Variants in KIRREL1 observed in about 807,000 individuals in gnomAD.
KIRREL1 encodes kirre like nephrin family adhesion molecule 1.
In KIRREL1, 25 loss-of-function variants were observed where a neutral mutation model predicts 83.3. That is an observed-to-expected ratio of 0.30 (90% CI 0.22 to 0.42). The LOEUF (loss-of-function observed/expected upper bound fraction) is 0.42, where lower values mean the gene tolerates loss of function less well. Ranked by LOEUF, KIRREL1 falls within the 10% of genes least tolerant of loss-of-function variation. The pLI, the probability that KIRREL1 is intolerant of heterozygous loss-of-function variation, is 1.00. For synonymous variants in KIRREL1, 388 were observed against 410.4 expected, an observed-to-expected ratio of 0.95 and a Z score of 0.66; for missense variants, 812 against 1,032.3, an observed-to-expected ratio of 0.79 and a Z score of 2.92.
In KIRREL1 at chr1:158,095,833, G is replaced by C. The variant is rs1180851742; in HGVS notation, c.*713G>C. On this transcript the variant is annotated 3_prime_UTR_variant, in exon 15 of 15. Coordinates refer to ENST00000359209, the MANE Select transcript of KIRREL1 (RefSeq NM_018240.7). Reference sequence around the variant, plus strand: ...CCCGCTTTCCTTCTCCTCCATGCTGGGCCAGCCAGATAAGTCAGGGTCCTG... The same window carrying C: ...CCCGCTTTCCTTCTCCTCCATGCTGCGCCAGCCAGATAAGTCAGGGTCCTG... 1.3e-5 allele frequency: 2 copies of C among 152,400 alleles called. No homozygotes were observed. The highest frequency in any genetic ancestry group is 4.8e-5 in the African/African-American group (2 of 41,442). The allele number at this position is 152,400 out of a possible 1,614,324, so 9.4% of individuals were successfully genotyped here.
At chr1:158,002,851 C>G (rs974053837) in intron 1 of KIRREL1, among the ~76,000 whole-genome samples, 1 of 152,046 alleles carries the variant, frequency 6.6e-6, no homozygotes, top group African/African-American at 2.4e-5. Flanking sequence ...CCCGATTGTA[C>G]CCCCTGCTCC....
intron 1 of KIRREL1, among the ~76,000 whole-genome samples, chr1:157,994,690 T>C (rs1659143573): frequency 6.6e-6 from 1 of 151,972 alleles, no homozygotes; most frequent in Non-Finnish European, 1.5e-5. Flanking sequence ...GCTGAACTCC[T>C]TCCCTCCCCA....
intron 11 of KIRREL1, among the ~76,000 whole-genome samples, chr1:158,092,172 T>C (rs1662218019): frequency 6.6e-6 from 1 of 152,214 alleles, no homozygotes; most frequent in Non-Finnish European, 1.5e-5. Context: ...TTCTCTCCTT[T>C]AAGGCACTTC....
intron 1 of KIRREL1, among the ~76,000 whole-genome samples, chr1:158,067,978 C>T (rs1661401193): frequency 6.6e-6 from 1 of 152,170 alleles, no homozygotes; most frequent in African/African-American, 2.4e-5. Flanking sequence ...CCCTACCATA[C>T]CCCCAGCCTT....
chr1:158,005,592 G>C (rs191534795), intron 1 of KIRREL1, among the ~76,000 whole-genome samples: 447 of 151,886 alleles, frequency 2.9e-3, no homozygotes, highest in Non-Finnish European at 4.8e-3. Context: ...CTCTCAATGG[G>C]AGATGTGGGG....
intron 1 of KIRREL1, among the ~76,000 whole-genome samples, chr1:158,036,424 A>G (rs962057493): frequency 1.3e-5 from 2 of 152,200 alleles, no homozygotes; most frequent in Non-Finnish European, 2.9e-5. Flanking sequence ...CTGAGTAATA[A>G]GGGGACATGC....
chr1:157,998,202 T>G (rs958111408), intron 1 of KIRREL1, among the ~76,000 whole-genome samples: 3 of 152,114 alleles, frequency 2.0e-5, no homozygotes, highest in African/African-American at 7.2e-5. Context: ...TTAAGTATCT[T>G]ATTGGTAGTT....
At chr1:158,026,783 A>G (rs1008010433) in intron 1 of KIRREL1, among the ~76,000 whole-genome samples, 3 of 152,196 alleles carry the variant, frequency 2.0e-5, no homozygotes, top group African/African-American at 7.2e-5. Context: ...GGAGTCAGAC[A>G]GTCTGGCCTG....
chr1:158,025,510 G>C (rs6680191), intron 1 of KIRREL1: 120,207 of 150,890 alleles, frequency 0.8, 49,393 homozygotes, highest in Non-Finnish European at 0.89. Context: ...GGAGAGAGAT[G>C]GGGGTGGGGG....
chr1:158,026,413 C>T (rs1171229380), intron 1 of KIRREL1, among the ~76,000 whole-genome samples: 1 of 152,120 alleles, frequency 6.6e-6, no homozygotes, highest in Non-Finnish European at 1.5e-5. Flanking sequence ...CGTGGAGGAC[C>T]CACCACTGTT....
In KIRREL1 at chr1:158,096,970, C is replaced by A. The variant is rs929256664; in HGVS notation, c.*1850C>A. ...CACCCTTATGGATGGGTCTGGGGGG[C>A]GACATTCCTGGCCAACCCCTTGTAG... On this transcript the variant is annotated 3_prime_UTR_variant, in exon 15 of 15. Transcript: ENST00000359209. The A allele has an allele frequency of 1.5e-5, 7 of 456,638 alleles. No individual in the cohort carries two copies. The highest frequency in any genetic ancestry group is 2.2e-5 in the Non-Finnish European group (5 of 226,982). The allele number at this position is 456,638 out of a possible 1,614,324, so 28.3% of individuals were successfully genotyped here.
intron 1 of KIRREL1, among the ~76,000 whole-genome samples, chr1:158,008,023 G>A (rs1571530988): frequency 6.6e-6 from 1 of 152,108 alleles, no homozygotes; most frequent in Non-Finnish European, 1.5e-5. Flanking sequence ...GCAAAGCCGG[G>A]AGGCCCCCCT....
At chr1:158,065,373 C>T (rs1661330282) in intron 1 of KIRREL1, among the ~76,000 whole-genome samples, 1 of 152,126 alleles carries the variant, frequency 6.6e-6, no homozygotes, top group African/African-American at 2.4e-5. Flanking sequence ...GTTTTCAGAG[C>T]AGAACTTGCA....
At chr1:158,050,268 A>G (rs1660877080) in intron 1 of KIRREL1, among the ~76,000 whole-genome samples, 4 of 152,082 alleles carry the variant, frequency 2.6e-5, no homozygotes, top group Admixed American at 6.5e-5. Context: ...TCCCCATCCC[A>G]GAGTTCTGCA....
intron 1 of KIRREL1, among the ~76,000 whole-genome samples, chr1:157,994,933 G>A (rs1431911596): frequency 5.9e-5 from 9 of 152,172 alleles, no homozygotes; most frequent in Admixed American, 5.9e-4. Context: ...CACAGTACAT[G>A]TATGCAGGCG....
intron 1 of KIRREL1, among the ~76,000 whole-genome samples, chr1:158,052,741 G>T (rs1314915978): frequency 6.6e-6 from 1 of 152,092 alleles, no homozygotes; most frequent in African/African-American, 2.4e-5. Flanking sequence ...AGCCGAGATA[G>T]CGCCACTGCA....
intron 1 of KIRREL1, among the ~76,000 whole-genome samples, chr1:158,013,312 A>G (rs572688637): frequency 1.3e-5 from 2 of 152,228 alleles, no homozygotes; most frequent in East Asian, 3.9e-4. Context: ...CAGGTGGCAA[A>G]GAGAGTCACC....
At chr1:158,050,522 C>T (rs538870112) in intron 1 of KIRREL1, among the ~76,000 whole-genome samples, 1 of 152,192 alleles carries the variant, frequency 6.6e-6, no homozygotes, top group East Asian at 1.9e-4. Context: ...TTCCTTGACC[C>T]CTTGCAGAAC....
At chr1:158,022,594 G>A (rs1660028833) in intron 1 of KIRREL1, among the ~76,000 whole-genome samples, 1 of 152,176 alleles carries the variant, frequency 6.6e-6, no homozygotes, top group Non-Finnish European at 1.5e-5. Flanking sequence ...GGAACACCCA[G>A]GACCCCTACT....
Sources: allele counts gnomAD v4.1 joint callset (sites outside exome capture counted in the v4.1 genomes callset), GRCh38; gene constraint gnomAD v4.1.1; transcripts MANE v1.5; gene names NCBI Gene and HGNC (gene_info 2026-07-23, HGNC 2026-07-21).